Variants in LAMA2 observed in about 807,000 individuals in gnomAD.
LAMA2 encodes the protein laminin subunit alpha-2.
A neutral mutation model predicts 364.8 loss-of-function variants in LAMA2; 269 were observed. The observed-to-expected ratio is 0.74, with a 90% CI of 0.67 to 0.82. The LOEUF is 0.82. Among genes scored for constraint, LAMA2 ranks in the 40% least tolerant of loss-of-function variants. LAMA2 has a pLI of 0.00. For synonymous variants in LAMA2, 1,379 were observed against 1,370.6 expected (o/e 1.01, Z -0.14); for missense variants, 3,807 against 3,873.2 (o/e 0.98, Z 0.45).
intron 12 of LAMA2, among the ~76,000 whole-genome samples, chr6:129,240,318 C>T (rs1250937162): frequency 2.0e-5 from 3 of 152,176 alleles, no homozygotes; most frequent in Non-Finnish European, 4.4e-5. Flanking sequence ...CACAGACACA[C>T]TCAGGTACAA....
At position 129,018,056 on chromosome 6, in the gene LAMA2, A is replaced by C. The variant is rs187093533; in HGVS notation, c.113-31862A>C. ...TTTCCTGTCTACTTTGCATGGAAAA[A>C]ACTACAGACTTTGTCAAATCTAGTT... is the stretch of plus-strand genomic sequence containing the variant. On this transcript the variant is annotated intron_variant, in intron 1 of 64. Transcript: ENST00000421865. Among the ~76,000 whole-genome samples the C allele has an allele frequency of 1.3e-4, 19 of 151,946 alleles. No individual in the cohort carries two copies. The East Asian group carries it at 3.1e-3, about 25-fold the overall frequency.
rs1293178593 is a variant in LAMA2, at chr6:129,099,127, T to TG, written c.639+712_639+713insG. Among the ~76,000 whole-genome samples the TG allele has an allele frequency of 3.5e-5, 5 of 144,774 alleles. 1 individual carries two copies. The East Asian group carries it at 5.9e-4, about 17-fold the overall frequency. 95.0% of individuals were successfully genotyped at this position (144,774 alleles called of 152,430 possible). A position where few individuals can be genotyped will look rare whatever the true frequency, so the allele number is the denominator to read the frequency against. ...GGGGGCGGGGAGGTTTTTTTTTTGT[T>TG]TTTTTTTTTTTTGTTTTCTGGCTTA... is the stretch of plus-strand genomic sequence containing the variant. On this transcript the variant is annotated intron_variant, in intron 4 of 64. Transcript: ENST00000421865.
At chr6:129,033,305 T>G (rs1296707686) in intron 1 of LAMA2, among the ~76,000 whole-genome samples, 1 of 152,100 alleles carries the variant, frequency 6.6e-6, no homozygotes, top group East Asian at 1.9e-4. Context: ...GAAAACATAA[T>G]GTGGAACAGT....
At chr6:128,888,176 C>G (rs1368473772) in intron 1 of LAMA2, among the ~76,000 whole-genome samples, 1 of 152,020 alleles carries the variant, frequency 6.6e-6, no homozygotes, top group Non-Finnish European at 1.5e-5. Context: ...GTAGATTTTC[C>G]AGGCTTAGTA....
At chr6:129,455,368 G>C (rs1782905114) in intron 47 of LAMA2, among the ~76,000 whole-genome samples, 1 of 152,186 alleles carries the variant, frequency 6.6e-6, no homozygotes, top group Non-Finnish European at 1.5e-5. Flanking sequence ...GTTTGGTGGT[G>C]TTGAGGGAAT....
intron 34 of LAMA2, among the ~76,000 whole-genome samples, chr6:129,374,160 C>T (rs1353727931): frequency 6.6e-6 from 1 of 152,144 alleles, no homozygotes; most frequent in Non-Finnish European, 1.5e-5. Flanking sequence ...TTCTCTCTTT[C>T]CCTGTGGTCA....
At chr6:128,954,858 C>T (rs111360049) in intron 1 of LAMA2, among the ~76,000 whole-genome samples, 4,064 of 151,880 alleles carry the variant, frequency 0.027, 155 homozygotes, top group African/African-American at 0.084. Flanking sequence ...ACTTAATTTT[C>T]TTTGTTACTC....
chr6:129,458,570 A>G (rs1381979520), intron 48 of LAMA2, among the ~76,000 whole-genome samples: 2 of 151,968 alleles, frequency 1.3e-5, no homozygotes, highest in Non-Finnish European at 2.9e-5. Flanking sequence ...AGCAGAATTC[A>G]CAAGTAGGAT....
At chr6:129,295,714 G>A (rs111342963) in intron 20 of LAMA2, among the ~76,000 whole-genome samples, 12 of 151,806 alleles carry the variant, frequency 7.9e-5, no homozygotes, top group African/African-American at 2.9e-4. Flanking sequence ...ATTTAAAGGG[G>A]TGTACACACA....
At chr6:129,403,330 G>A (rs1036020082) in intron 39 of LAMA2, among the ~76,000 whole-genome samples, 1 of 152,178 alleles carries the variant, frequency 6.6e-6, no homozygotes, top group African/African-American at 2.4e-5. Context: ...ACAAAGCTAG[G>A]TATCATCAGA....
intron 4 of LAMA2, among the ~76,000 whole-genome samples, chr6:129,131,039 A>G (rs1320782498): frequency 6.6e-6 from 1 of 152,210 alleles, no homozygotes; most frequent in Non-Finnish European, 1.5e-5. Flanking sequence ...TGTCCTTAAT[A>G]GAAAAGGGAA....
At chr6:128,899,836 A>G (rs1776977996) in intron 1 of LAMA2, among the ~76,000 whole-genome samples, 1 of 152,142 alleles carries the variant, frequency 6.6e-6, no homozygotes, top group African/African-American at 2.4e-5. Flanking sequence ...AGCTTTGGAT[A>G]AGGAATGCAT....
intron 58 of LAMA2, among the ~76,000 whole-genome samples, chr6:129,496,385 C>T (rs1452744872): frequency 6.6e-6 from 1 of 152,096 alleles, no homozygotes; most frequent in Non-Finnish European, 1.5e-5. Context: ...AGGCTGGTCT[C>T]GAACTGCCAA....
At chr6:129,399,947 A>T (rs1307588732) in intron 37 of LAMA2, among the ~76,000 whole-genome samples, 1 of 152,196 alleles carries the variant, frequency 6.6e-6, no homozygotes, top group East Asian at 1.9e-4. Context: ...GTACTATGTG[A>T]CCTTAAAGGA....
intron 12 of LAMA2, among the ~76,000 whole-genome samples, chr6:129,202,612 G>A (rs1468596343): frequency 6.6e-6 from 1 of 152,112 alleles, no homozygotes; most frequent in Non-Finnish European, 1.5e-5. Flanking sequence ...CCTAGTCCCT[G>A]TTATTTTGTT....
At chr6:129,071,800 A>G (rs2114820060) in intron 3 of LAMA2, among the ~76,000 whole-genome samples, 1 of 152,206 alleles carries the variant, frequency 6.6e-6, no homozygotes, top group East Asian at 1.9e-4. Flanking sequence ...AAACTTTTTG[A>G]GACTTGTTTT....
chr6:129,391,447 C>T (rs768749372), intron 35 of LAMA2, 44 bp from the exon 36 acceptor site: 3 of 1,477,006 alleles, frequency 2.0e-6, no homozygotes, highest in South Asian at 1.1e-5. Context: ...TTTCATGTGG[C>T]ATGTTTGTTT....
chr6:129,393,549 G>T (rs1312527593), intron 37 of LAMA2, among the ~76,000 whole-genome samples: 2 of 152,158 alleles, frequency 1.3e-5, no homozygotes, highest in Non-Finnish European at 2.9e-5. Flanking sequence ...AGGGAGTCAG[G>T]CGACCTTGGT....
intron 55 of LAMA2, among the ~76,000 whole-genome samples, chr6:129,485,733 A>G (rs924042901): frequency 3.9e-5 from 6 of 152,134 alleles, no homozygotes; most frequent in African/African-American, 1.4e-4. Flanking sequence ...GATTTAGTAA[A>G]TTATTGGAAC....
Sources: allele counts gnomAD v4.1 joint callset (sites outside exome capture counted in the v4.1 genomes callset), GRCh38; gene constraint gnomAD v4.1.1; transcripts MANE v1.5; gene names NCBI Gene and HGNC (gene_info 2026-07-23, HGNC 2026-07-21).